ABCA10: variants seen among roughly 807,000 people sequenced by gnomAD.
The protein encoded by ABCA10 is ATP-binding cassette sub-family A member 10.
Under a neutral mutation model 187.5 loss-of-function variants are expected in ABCA10, and 169 were observed. That is an observed-to-expected ratio of 0.90 (90% CI 0.80 to 1.02). The LOEUF is 1.02. Among genes scored for constraint, ABCA10 ranks in the 50% least tolerant of loss-of-function variants. ABCA10 has a pLI of 0.00. For synonymous variants in ABCA10, 574 were observed against 601.8 expected (o/e 0.95, Z 0.68); for missense variants, 1,727 against 1,812.4 (o/e 0.95, Z 0.86).
In ABCA10 at chr17:69,224,019, C is replaced by A. The variant is rs2074773635; in HGVS notation, c.34+1306G>T. Reference sequence around the variant, plus strand: ...ACAAAGGAAGTGAATAGAGACAGATCAGGGCAGAATCAACACTGTGGTCAG... The same window carrying A: ...ACAAAGGAAGTGAATAGAGACAGATAAGGGCAGAATCAACACTGTGGTCAG... On this transcript the variant is annotated intron_variant, in intron 3 of 38. Transcript: ENST00000690296. Among the ~76,000 whole-genome samples the A allele has an allele frequency of 2.0e-5, 3 of 152,030 alleles. No homozygotes were observed. The South Asian group carries it at 6.2e-4, about 31-fold the overall frequency.
At chr17:69,223,755 T>C (rs527702395) in intron 3 of ABCA10, 57 of 384,224 alleles carry the variant, frequency 1.5e-4, no homozygotes, top group Middle Eastern at 7.3e-4. Flanking sequence ...TGAATATTTA[T>C]GCTAAAAAGC....
In ABCA10 at chr17:69,216,217, CAAAG is replaced by C. The variant is rs763807860; in HGVS notation, c.668_671del (p.Ser223Ter). 1.2e-6 allele frequency: 2 copies of C among 1,605,994 alleles called. No individual in the cohort carries two copies. The highest frequency in any genetic ancestry group is 1.3e-5 in the African/African-American group (1 of 74,570). On this transcript the variant is annotated frameshift_variant and splice_region_variant, in exon 7 of 39. Transcript: ENST00000690296. LOFTEE classifies it high-confidence loss of function. ...AGGTAATATGCTTTTACCAACTCAC[CAAAG>C]AAAGGCCATATAAGCTATAGAGTGT...
intron 9 of ABCA10, among the ~76,000 whole-genome samples, chr17:69,209,562 G>T (rs1001004422): frequency 6.6e-6 from 1 of 152,164 alleles, no homozygotes; most frequent in African/African-American, 2.4e-5. Flanking sequence ...ACCTGAATTA[G>T]AAATCAGATG....
At chr17:69,148,977 G>C in intron 38 of ABCA10, 52 bp from the exon 39 acceptor site, 2 of 1,612,388 alleles carry the variant, frequency 1.2e-6, no homozygotes, top group Non-Finnish European at 1.7e-6. Flanking sequence ...GTGTCTGAAA[G>C]ATGGATTCAC....
At chr17:69,237,666 G>C (rs2074880257) in intron 1 of ABCA10, among the ~76,000 whole-genome samples, 1 of 152,090 alleles carries the variant, frequency 6.6e-6, no homozygotes. Context: ...CAAAATTCAT[G>C]TCCTTCCTAA....
intron 1 of ABCA10, among the ~76,000 whole-genome samples, chr17:69,242,481 T>C (rs1179172077): frequency 2.6e-5 from 4 of 152,212 alleles, no homozygotes; most frequent in Non-Finnish European, 5.9e-5. Flanking sequence ...TGTTTTTTTC[T>C]TGAGACAGAG....
At chr17:69,176,674 T>C (rs536833692) in intron 22 of ABCA10, among the ~76,000 whole-genome samples, 42 of 152,276 alleles carry the variant, frequency 2.8e-4, no homozygotes, top group African/African-American at 9.1e-4. Context: ...TGTTGCTTAA[T>C]ATTAAATGGG....
chr17:69,180,566 G>T (rs2074372382), intron 22 of ABCA10, among the ~76,000 whole-genome samples: 2 of 152,038 alleles, frequency 1.3e-5, no homozygotes, highest in African/African-American at 2.4e-5. Flanking sequence ...ATAAAGGCAT[G>T]ATTAACTCTG....
At chr17:69,190,285 A>G in intron 18 of ABCA10, 73 bp downstream of exon 18, 1 of 1,438,092 alleles carries the variant, frequency 7.0e-7, no homozygotes, top group South Asian at 1.5e-5. Flanking sequence ...AAATCTACAA[A>G]TATGAATTAG....
At chr17:69,212,546 T>C (rs1218194959) in intron 9 of ABCA10, among the ~76,000 whole-genome samples, 2 of 152,228 alleles carry the variant, frequency 1.3e-5, no homozygotes, top group Non-Finnish European at 2.9e-5. Flanking sequence ...TGTTCAGTGC[T>C]GTCAGTGGAG....
At chr17:69,198,086 ACT>A (rs112303602) in intron 10 of ABCA10, among the ~76,000 whole-genome samples, 2 of 151,058 alleles carry the variant, frequency 1.3e-5, no homozygotes, top group Non-Finnish European at 3.0e-5. Context: ...GGCATCCTTA[ACT>A]CTCTCTCTCT....
At chr17:69,237,339 A>G (rs180952869) in intron 1 of ABCA10, among the ~76,000 whole-genome samples, 6 of 152,370 alleles carry the variant, frequency 3.9e-5, no homozygotes, top group African/African-American at 1.2e-4. Flanking sequence ...CAGTGGCTGT[A>G]TACCACATGA....
chr17:69,158,052 A>C (rs1180749039), intron 27 of ABCA10, among the ~76,000 whole-genome samples: 1 of 151,984 alleles, frequency 6.6e-6, no homozygotes, highest in African/African-American at 2.4e-5. Flanking sequence ...TAAATACTAG[A>C]AACAAACAAA....
intron 1 of ABCA10, among the ~76,000 whole-genome samples, chr17:69,228,324 CAGAG>C (rs1050950145): frequency 4.6e-5 from 7 of 151,928 alleles, no homozygotes; most frequent in Non-Finnish European, 8.8e-5. Context: ...AAAGCAGTGT[CAGAG>C]AGAGAATTTA....
At position 69,174,744 on chromosome 17, in the gene ABCA10, G is replaced by T. The variant is rs74404893; in HGVS notation, c.2911C>A (p.Leu971Ile). ...NVQSQLWISGLWPSAYWCGQA... is the reference protein window; with the variant it reads ...NVQSQLWISGIWPSAYWCGQA... ...CCACACCAGTATGCTGAAGGCCAGAGGCCTGAAATCCATAACTGGGATTGA... is the reference window on the plus strand; with the variant it reads ...CCACACCAGTATGCTGAAGGCCAGATGCCTGAAATCCATAACTGGGATTGA... Residue 971 changes from leucine to isoleucine, a missense_variant, in exon 24 of 39, where the codon CTC becomes ATC. Leu to Ile is a conservative substitution (Grantham distance 5). Coordinates refer to ENST00000690296, the MANE Select transcript of ABCA10 (RefSeq NM_001377321.1). 1 of 1,600,094 alleles carries T rather than the reference G, an allele frequency of 6.2e-7. No individual in the cohort carries two copies. Among genetic ancestry groups the T allele is most frequent in the African/African-American group, 1.3e-5 (1 of 74,290 alleles).
At chr17:69,159,722 A>G (rs1160454206) in intron 27 of ABCA10, among the ~76,000 whole-genome samples, 1 of 152,144 alleles carries the variant, frequency 6.6e-6, no homozygotes, top group Non-Finnish European at 1.5e-5. Context: ...AGTTGTTCCA[A>G]ATTGCCTTAA....
Position 69,148,734 on chromosome 17 carries a change from T to C in ABCA10, c.*93A>G. 9.2e-7 allele frequency: 1 copy of C among 1,083,650 alleles called. No individual in the cohort carries two copies. 67.1% of individuals were successfully genotyped at this position (1,083,650 alleles called of 1,614,324 possible). ...TTGAATGTTTATTAAATGTTTTCTTTTGTTAACTGAAGTAAAAGGAAACAT... is the reference window on the plus strand; with the variant it reads ...TTGAATGTTTATTAAATGTTTTCTTCTGTTAACTGAAGTAAAAGGAAACAT... On this transcript the variant is annotated 3_prime_UTR_variant, in exon 39 of 39. Coordinates refer to ENST00000690296, the MANE Select transcript of ABCA10 (RefSeq NM_001377321.1).
At chr17:69,230,458 C>T (rs1384606979), upstream of ABCA10, among the ~76,000 whole-genome samples, 1 of 151,986 alleles carries the variant, frequency 6.6e-6, no homozygotes, top group Admixed American at 6.6e-5. Context: ...GTCTCTGTTA[C>T]ACATTTATAA....
chr17:69,174,508 A>C, intron 24 of ABCA10, 99 bp downstream of exon 24: 2 of 1,450,114 alleles, frequency 1.4e-6, no homozygotes, highest in Non-Finnish European at 1.9e-6. Flanking sequence ...ATTTTCTTGC[A>C]TATTACATGC....
Sources: allele counts gnomAD v4.1 joint callset (sites outside exome capture counted in the v4.1 genomes callset), GRCh38; gene constraint gnomAD v4.1.1; transcripts MANE v1.5; gene names NCBI Gene and HGNC (gene_info 2026-07-23, HGNC 2026-07-21).